GLB1L2: variants seen among roughly 807,000 people sequenced by gnomAD.
GLB1L2 encodes beta-galactosidase-1-like protein 2.
A neutral mutation model predicts 84.1 loss-of-function variants in GLB1L2; 68 were observed. The observed-to-expected ratio is 0.81, with a 90% confidence interval of 0.67 to 0.99. The LOEUF (loss-of-function observed/expected upper bound fraction) is 0.99, where lower values mean the gene tolerates loss of function less well. GLB1L2 is among the 50% of genes least tolerant of loss of function. The pLI is 0.00. For missense variants in GLB1L2, 762 were observed against 805.6 expected (o/e 0.95, Z 0.66); for synonymous variants, 290 against 318.0 (o/e 0.91, Z 0.94).
rs1480046841 is a variant in GLB1L2, at chr11:134,375,410, G to GC, written c.*353dup. 4.3e-6 allele frequency: 1 copy of GC among 233,832 alleles called. No homozygotes were observed. The highest frequency in any genetic ancestry group is 8.2e-6 in the Non-Finnish European group (1 of 121,488). 14.5% of individuals were successfully genotyped at this position (233,832 alleles called of 1,614,324 possible). On this transcript the variant is annotated 3_prime_UTR_variant, in exon 19 of 19. Transcript: ENST00000535456. Reference sequence around the variant, plus strand: ...TGCACTGGACGTCACAGCCCTGCGAGCATCTGCTGGACTCAGGCGTGCTCT... The same window carrying GC: ...TGCACTGGACGTCACAGCCCTGCGAGCCATCTGCTGGACTCAGGCGTGCTCT...
At position 134,334,694 on chromosome 11, in the gene GLB1L2, G is replaced by A. The variant is rs1943355260; in HGVS notation, c.86+2547G>A. On this transcript the variant is annotated intron_variant, in intron 1 of 18. Transcript: ENST00000535456. This position sits in a 1 kb window ranked among gnomAD's most constrained non-coding sequence, Gnocchi z 4.1. ...CCCAGCCCCAAGCAACCACTGATCT[G>A]TTGCTTTCCGACACGATATATTGGT... 6.6e-6 allele frequency among the ~76,000 whole-genome samples: 1 copy of A among 152,004 alleles called. No homozygotes were observed. The highest frequency in any genetic ancestry group is 1.5e-5 in the Non-Finnish European group (1 of 67,992).
intron 15 of GLB1L2, among the ~76,000 whole-genome samples, chr11:134,373,387 G>A (rs1295975774): frequency 6.6e-6 from 1 of 152,188 alleles, no homozygotes; most frequent in East Asian, 1.9e-4. Flanking sequence ...TGGCCCTGCA[G>A]CTAGGCCAGA....
intron 7 of GLB1L2, chr11:134,360,786 T>C (rs1943774052): frequency 6.6e-6 from 1 of 152,180 alleles, no homozygotes; most frequent in South Asian, 2.1e-4. Flanking sequence ...TTCAACTCTT[T>C]GACTTTTTCT....
chr11:134,369,673 G>T (rs771484872), intron 10 of GLB1L2, 132 bp from the exon 11 acceptor site: 2 of 704,012 alleles, frequency 2.8e-6, no homozygotes, highest in Non-Finnish European at 4.8e-6. Context: ...TGACTGAATG[G>T]CTCAAAAGTG....
chr11:134,375,049 C>T lies in GLB1L2; in HGVS notation c.1902C>T (p.Tyr634=), dbSNP rs1210795464. 5 of 1,613,336 alleles carry T rather than the reference C, an allele frequency of 3.1e-6. No homozygotes were observed. Among genetic ancestry groups the T allele is most frequent in the African/African-American group, 1.3e-5 (1 of 74,926 alleles). ...CCCCCCACCTGGGCAGGAACCAGTACATTAAGTGAGCGGTGGCACCCCCTC... is the reference window on the plus strand; with the variant it reads ...CCCCCCACCTGGGCAGGAACCAGTATATTAAGTGAGCGGTGGCACCCCCTC... ...TETPHLGRNQ[Y]IK The change falls in exon 19 of 19, where the codon TAC becomes TAT. Residue 634 remains tyrosine (Y), a synonymous_variant. Coordinates refer to ENST00000535456, the MANE Select transcript of GLB1L2 (RefSeq NM_001370461.1).
intron 4 of GLB1L2, 23 bp from the exon 5 acceptor site, chr11:134,347,302 C>CT (rs746697683): frequency 1.3e-6 from 2 of 1,578,028 alleles, no homozygotes; most frequent in Non-Finnish European, 1.7e-6. Flanking sequence ...AACATCCTTC[C>CT]TTTCCCCCGT....
intron 5 of GLB1L2, among the ~76,000 whole-genome samples, chr11:134,351,307 T>G (rs1208009052): frequency 1.3e-5 from 2 of 152,136 alleles, no homozygotes; most frequent in Non-Finnish European, 2.9e-5. Context: ...CTTAATTTTG[T>G]TAATGCGGTA....
At chr11:134,335,496 G>C (rs957351275) in intron 1 of GLB1L2, among the ~76,000 whole-genome samples, 2 of 152,140 alleles carry the variant, frequency 1.3e-5, no homozygotes, top group Non-Finnish European at 1.5e-5. Context: ...CAGGTGTTGA[G>C]GGATGTCTGA....
intron 9 of GLB1L2, among the ~76,000 whole-genome samples, chr11:134,367,994 A>G (rs7127277): frequency 0.33 from 50,388 of 151,946 alleles, 9,272 homozygotes; most frequent in African/African-American, 0.49. Flanking sequence ...GCTCCTCGGC[A>G]CCGTGTAGAT....
intron 5 of GLB1L2, among the ~76,000 whole-genome samples, chr11:134,351,345 C>CTT (rs367790049): frequency 0.034 from 4,392 of 129,062 alleles, 234 homozygotes; most frequent in African/African-American, 0.099. Flanking sequence ...CTTTTTCTTT[C>CTT]TTTTTTTTTT....
In GLB1L2 at chr11:134,368,760, A is replaced by C; in HGVS notation, c.1006A>C (p.Lys336Gln). 1 of 1,613,768 alleles carries C rather than the reference A, an allele frequency of 6.2e-7. No individual in the cohort carries two copies. The highest frequency in any genetic ancestry group is 8.5e-7 in the Non-Finnish European group (1 of 1,179,874). The stretch of plus-strand genomic sequence containing the variant: ...TGGAGCCATGCACTTCCATGACTAC[A>C]AGTCAGATGTCACCAGCTATGGCAA... ...MNGAMHFHDY[K>Q]SDVTSYDYDA... Residue 336 changes from lysine (K) to glutamine (Q), a missense_variant, in exon 10 of 19, where the codon AAG becomes CAG. Lys to Gln is a moderately conservative substitution (Grantham distance 53). Transcript: ENST00000535456.
In GLB1L2 at chr11:134,371,085, T is replaced by C; in HGVS notation, c.1293T>C (p.Ile431=). Reference sequence around the variant, plus strand: ...GAAATGGACAGTCCTTCGGGTACATTCTCTATGAGACCAGCATCACCTCGT... The same window carrying C: ...GAAATGGACAGTCCTTCGGGTACATCCTCTATGAGACCAGCATCACCTCGT... ...NGGNGQSFGY[I]LYETSITSSG... Residue 431 remains isoleucine, a synonymous_variant, in exon 13 of 19, where the codon ATT becomes ATC. Coordinates refer to ENST00000535456, the MANE Select transcript of GLB1L2 (RefSeq NM_001370461.1). 1 of 1,614,130 alleles carries C rather than the reference T, an allele frequency of 6.2e-7. No homozygotes were observed. Among genetic ancestry groups the C allele is most frequent in the Non-Finnish European group, 8.5e-7 (1 of 1,180,024 alleles).
chr11:134,333,216 T>C (rs1943331647), intron 1 of GLB1L2, among the ~76,000 whole-genome samples: 1 of 152,148 alleles, frequency 6.6e-6, no homozygotes, highest in Non-Finnish European at 1.5e-5. Context: ...GTCATGATAT[T>C]GTTTGGGAGA....
At position 134,335,000 on chromosome 11, in the gene GLB1L2, C is replaced by A. The variant is rs542906977; in HGVS notation, c.86+2853C>A. The stretch of plus-strand genomic sequence containing the variant: ...ACAGGCAACGCTGCATCTCTCATAC[C>A]TGAAATTTTAGCTGGGAAAGTTGGG... On this transcript the variant is annotated intron_variant, in intron 1 of 18. Transcript: ENST00000535456. This position sits in a 1 kb window ranked among gnomAD's most constrained non-coding sequence, Gnocchi z 4.1. Among the ~76,000 whole-genome samples, 9 of 152,162 alleles carry A rather than the reference C, an allele frequency of 5.9e-5. No individual in the cohort carries two copies. The East Asian group carries it at 1.4e-3, about 23-fold the overall frequency.
chr11:134,371,640 G>A (rs1298225731), intron 14 of GLB1L2, 112 bp from the exon 15 acceptor site: 2 of 1,166,890 alleles, frequency 1.7e-6, no homozygotes, highest in Non-Finnish European at 2.6e-6. Flanking sequence ...CTGCCCAGCT[G>A]GGATGTACAC....
intron 10 of GLB1L2, among the ~76,000 whole-genome samples, chr11:134,369,588 T>TATA (rs1398694747): frequency 1.2e-3 from 180 of 151,514 alleles, no homozygotes; most frequent in Non-Finnish European, 1.8e-3. Context: ...GTGCTGGGAT[T>TATA]GCAGGTGTGA....
At chr11:134,364,170 C>T (rs764625136) in intron 7 of GLB1L2, among the ~76,000 whole-genome samples, 158 bp from the exon 8 acceptor site, 5 of 152,158 alleles carry the variant, frequency 3.3e-5, no homozygotes, top group East Asian at 1.9e-4. Flanking sequence ...TGTGAGCCAC[C>T]GCGCCTGACT....
intron 2 of GLB1L2, 106 bp downstream of exon 2, chr11:134,343,057 C>T (rs578192627): frequency 1.7e-6 from 2 of 1,185,952 alleles, no homozygotes; most frequent in African/African-American, 1.5e-5. Flanking sequence ...CTGCCCAGGG[C>T]GAGAGAGCCA....
intron 7 of GLB1L2, among the ~76,000 whole-genome samples, chr11:134,363,077 G>C (rs189467500): frequency 6.6e-6 from 1 of 152,144 alleles, no homozygotes; most frequent in African/African-American, 2.4e-5. Context: ...TGCATCCTGC[G>C]GACTTTGAGT....
Sources: allele counts gnomAD v4.1 joint callset (sites outside exome capture counted in the v4.1 genomes callset), GRCh38; gene constraint gnomAD v4.1.1; non-coding constraint Gnocchi (gnomAD v3.1); transcripts MANE v1.5; gene names NCBI Gene and HGNC (gene_info 2026-07-23, HGNC 2026-07-21).